Variants in AAMDC observed in about 807,000 individuals in gnomAD.
AAMDC encodes adipogenesis associated Mth938 domain containing.
AAMDC carries 16 observed loss-of-function variants against 15.5 expected under a neutral mutation model. That is an observed-to-expected ratio of 1.03 (90% CI 0.70 to 1.57). AAMDC has a LOEUF of 1.57. Among genes scored for constraint, AAMDC ranks in the 40% most tolerant of loss-of-function variants. The pLI, the probability that AAMDC is intolerant of heterozygous loss-of-function variation, is 0.00. For synonymous variants in AAMDC, 51 were observed against 51.6 expected (o/e 0.99, Z 0.05); for missense variants, 141 against 144.9 (o/e 0.97, Z 0.14).
In AAMDC at chr11:77,884,009, GGA is replaced by G. The variant is rs1191235995; in HGVS notation, c.328+6961_328+6962del. On this transcript the variant is annotated intron_variant, in intron 5 of 5. Coordinates refer to the AAMDC transcript ENST00000304716. ...AAGCGAGAGGAGCATTTAACAAAATGGATGATGACATCTGTTGTGAACCTCAA... is the reference window on the plus strand; with the variant it reads ...AAGCGAGAGGAGCATTTAACAAAATGTGATGACATCTGTTGTGAACCTCAA... The G allele has an allele frequency of 2.5e-4, 386 of 1,561,286 alleles. 1 individual carries two copies. In the African/African-American group the frequency reaches 4.2e-3, roughly 17 times the overall value.
At chr11:77,891,387 C>T (rs1272209710) in intron 5 of AAMDC, 4 of 1,612,452 alleles carry the variant, frequency 2.5e-6, no homozygotes, top group East Asian at 4.5e-5. Context: ...AGGGCAACCA[C>T]CAACCCAGAG....
In AAMDC at chr11:77,894,291, T is replaced by G. The variant is rs142677451; in HGVS notation, c.329-6280T>G. ...CCAGAAGAGTTATAAAATACTTACCTCTGAAAAAAGTCTACTTCCTGTAAA... is the reference window on the plus strand; with the variant it reads ...CCAGAAGAGTTATAAAATACTTACCGCTGAAAAAAGTCTACTTCCTGTAAA... On this transcript the variant is annotated intron_variant, in intron 5 of 5. Transcript: ENST00000304716. The G allele has an allele frequency of 3.4e-4, 519 of 1,511,292 alleles. 1 individual carries two copies. The highest frequency in any genetic ancestry group is 4.2e-4 in the Non-Finnish European group (459 of 1,092,904). The allele number at this position is 1,511,292 out of a possible 1,614,324, so 93.6% of individuals were successfully genotyped here. A position where few individuals can be genotyped will look rare whatever the true frequency, so the allele number is the denominator to read the frequency against.
intron 5 of AAMDC, among the ~76,000 whole-genome samples, chr11:77,897,072 G>C (rs1952557114): frequency 6.6e-6 from 1 of 151,960 alleles, no homozygotes; most frequent in Non-Finnish European, 1.5e-5. Flanking sequence ...TGTGGCGGGG[G>C]TTGCCCAATA....
chr11:77,890,211 A>T (rs1952203801), intron 5 of AAMDC, among the ~76,000 whole-genome samples: 2 of 152,212 alleles, frequency 1.3e-5, no homozygotes, highest in African/African-American at 4.8e-5. Flanking sequence ...GCTCAGAACT[A>T]GTTCTCTGCA....
At chr11:77,873,025 G>A (rs1490987610), downstream of AAMDC, among the ~76,000 whole-genome samples, 4 of 152,184 alleles carry the variant, frequency 2.6e-5, no homozygotes, top group Non-Finnish European at 5.9e-5. Context: ...GGCTCAGATA[G>A]TCTTTGTTCT....
At chr11:77,869,688 C>A in intron 2 of AAMDC, 34 bp from the exon 3 acceptor site, 1 of 1,578,404 alleles carries the variant, frequency 6.3e-7, no homozygotes, top group African/African-American at 1.3e-5. Flanking sequence ...AGATTGAGAG[C>A]AGGTACCTGT....
At chr11:77,886,004 G>A (rs1467325108) in intron 5 of AAMDC, among the ~76,000 whole-genome samples, 6 of 151,794 alleles carry the variant, frequency 4.0e-5, no homozygotes, top group African/African-American at 9.7e-5. Flanking sequence ...AGTTTAAGAC[G>A]AGACTGGGCA....
At chr11:77,822,161 C>T (rs1413040142) in intron 1 of AAMDC, among the ~76,000 whole-genome samples, 1 of 151,974 alleles carries the variant, frequency 6.6e-6, no homozygotes, top group African/African-American at 2.4e-5. Context: ...AGAATTTGGC[C>T]GGGCGCGGTG....
intron 1 of AAMDC, among the ~76,000 whole-genome samples, chr11:77,824,292 A>G (rs1415844467): frequency 4.6e-5 from 7 of 152,236 alleles, no homozygotes; most frequent in Non-Finnish European, 7.3e-5. Context: ...AAAAAAGAGT[A>G]GCTATTTTTA....
chr11:77,898,107 C>T (rs1952609974), intron 5 of AAMDC, among the ~76,000 whole-genome samples: 1 of 152,170 alleles, frequency 6.6e-6, no homozygotes, highest in South Asian at 2.1e-4. Context: ...TGAGCCACTG[C>T]ATCTACCCCA....
intron 1 of AAMDC, among the ~76,000 whole-genome samples, chr11:77,822,058 CTGAA>C (rs1451442067): frequency 6.6e-5 from 10 of 152,086 alleles, no homozygotes; most frequent in Admixed American, 5.2e-4. Context: ...ATAATTTAGA[CTGAA>C]TTCCGCTATA....
At chr11:77,835,419 A>G (rs1047447419) in intron 1 of AAMDC, among the ~76,000 whole-genome samples, 2 of 152,102 alleles carry the variant, frequency 1.3e-5, no homozygotes, top group Non-Finnish European at 2.9e-5. Context: ...GACTACCTCC[A>G]GACTTTAAAC....
intron 2 of AAMDC, among the ~76,000 whole-genome samples, chr11:77,860,071 C>G (rs1426800302): frequency 6.6e-6 from 1 of 152,222 alleles, no homozygotes; most frequent in East Asian, 1.9e-4. Context: ...AGGTATGCCA[C>G]AGGTTGCAAG....
chr11:77,872,305 C>T lies in AAMDC; in HGVS notation c.359C>T (p.Ser120Phe). Residue 120 changes from serine to phenylalanine, a missense_variant, in exon 4 of 4, where the codon TCC becomes TTC. Transcript: ENST00000393427. ...GTCAGGGTGGGAGGTGTCTTCCATT[C>T]CACCTGCTGATGGAGCCTTAAGAGG... ...QGVRVGGVFH[S>F]TC 1.2e-6 allele frequency: 2 copies of T among 1,612,160 alleles called. No homozygotes were observed. The highest frequency in any genetic ancestry group is 1.7e-6 in the Non-Finnish European group (2 of 1,179,284).
intron 1 of AAMDC, among the ~76,000 whole-genome samples, chr11:77,823,324 GT>G (rs1949018331): frequency 2.6e-5 from 4 of 151,004 alleles, no homozygotes; most frequent in African/African-American, 9.7e-5. Flanking sequence ...GGAAAATATT[GT>G]TTTTAAGCAA....
At chr11:77,888,434 T>C (rs1378907524) in intron 5 of AAMDC, among the ~76,000 whole-genome samples, 2 of 152,192 alleles carry the variant, frequency 1.3e-5, no homozygotes, top group Non-Finnish European at 2.9e-5. Flanking sequence ...CAAGATGGAT[T>C]AAAGACTTAC....
chr11:77,871,168 G>A (rs2136316780), intron 3 of AAMDC, among the ~76,000 whole-genome samples: 1 of 151,936 alleles, frequency 6.6e-6, no homozygotes, highest in African/African-American at 2.4e-5. Context: ...TATCTGATAG[G>A]GTACTTTTAT....
intron 5 of AAMDC, chr11:77,879,235 T>G (rs1411481743): frequency 1.7e-6 from 2 of 1,192,526 alleles, no homozygotes; most frequent in African/African-American, 1.5e-5. Context: ...GAGAAATTTC[T>G]TCATCCGTCT....
chr11:77,895,543 A>AG (rs1565229019), intron 5 of AAMDC, among the ~76,000 whole-genome samples: 1 of 149,246 alleles, frequency 6.7e-6, no homozygotes, highest in East Asian at 1.9e-4. Flanking sequence ...AAAAAAAAAA[A>AG]AAAAAAAAAA....
Sources: allele counts gnomAD v4.1 joint callset (sites outside exome capture counted in the v4.1 genomes callset), GRCh38; gene constraint gnomAD v4.1.1; transcripts MANE v1.5; gene names NCBI Gene and HGNC (gene_info 2026-07-23, HGNC 2026-07-21).